FXN: variants seen among roughly 807,000 people sequenced by gnomAD.
FXN encodes frataxin.
A neutral mutation model predicts 22.4 loss-of-function variants in FXN; 14 were observed. The ratio of observed to expected loss-of-function variants is 0.62; its 90% CI spans 0.41 to 0.98. FXN has a LOEUF of 0.98. Among genes scored for constraint, FXN ranks in the 50% least tolerant of loss-of-function variants. The pLI, the probability that FXN is intolerant of heterozygous loss-of-function variation, is 0.00. For synonymous variants in FXN, 120 were observed against 114.1 expected, an observed-to-expected ratio of 1.05 and a Z score of -0.33; for missense variants, 267 against 268.4, an observed-to-expected ratio of 0.99 and a Z score of 0.04.
In FXN at chr9:69,072,894, A is replaced by T. The variant is rs1231680665; in HGVS notation, c.*132A>T. 2 of 1,551,530 alleles carry T rather than the reference A, an allele frequency of 1.3e-6. No individual in the cohort carries two copies. Among genetic ancestry groups the T allele is most frequent in the Admixed American group, 3.8e-5 (2 of 52,330 alleles). ...TCCTGCTTTTGAGGACAGTTGGGCT[A>T]TGTGTCACAGCTCTGTAGAAAGAAT... On this transcript the variant is annotated 3_prime_UTR_variant, in exon 5 of 5. Coordinates refer to ENST00000484259, the MANE Select transcript of FXN (RefSeq NM_000144.5).
chr9:69,076,326 G>A lies in FXN; in HGVS notation c.*3564G>A. 1 of 984,832 alleles carries A rather than the reference G, an allele frequency of 1.0e-6. No homozygotes were observed. Among genetic ancestry groups the A allele is most frequent in the Non-Finnish European group, 1.2e-6 (1 of 829,828 alleles). 61.0% of individuals were successfully genotyped at this position (984,832 alleles called of 1,614,324 possible). A position where few individuals can be genotyped will look rare whatever the true frequency, so the allele number is the denominator to read the frequency against. On this transcript the variant is annotated 3_prime_UTR_variant, in exon 5 of 5. Transcript: ENST00000484259. ...AAGTACTCAGTTCATGACAACTGTT[G>A]TTCTCACATGCATAGCATAATTTCA... is the stretch of plus-strand genomic sequence containing the variant.
chr9:69,061,375 A>C (rs180840842), intron 3 of FXN, among the ~76,000 whole-genome samples: 30 of 152,014 alleles, frequency 2.0e-4, no homozygotes, highest in Non-Finnish European at 4.3e-4. Context: ...ATGAGACCAG[A>C]CCTGGAACTC....
intron 3 of FXN, among the ~76,000 whole-genome samples, chr9:69,053,766 A>G (rs1831904504): frequency 6.6e-6 from 1 of 152,302 alleles, no homozygotes; most frequent in South Asian, 2.1e-4. Context: ...TAGGGATAAG[A>G]TAACTGCCCA....
At chr9:69,067,859 C>G (rs997595121) in intron 4 of FXN, among the ~76,000 whole-genome samples, 1 of 152,206 alleles carries the variant, frequency 6.6e-6, no homozygotes, top group East Asian at 1.9e-4. Flanking sequence ...TCTTTACCCA[C>G]TTACTCTTAT....
In FXN at chr9:69,077,527, T is replaced by C; in HGVS notation, c.*4765T>C. The C allele has an allele frequency of 1.0e-6, 1 of 985,480 alleles. No individual in the cohort carries two copies. The highest frequency in any genetic ancestry group is 1.2e-6 in the Non-Finnish European group (1 of 829,956). The allele number at this position is 985,480 out of a possible 1,614,324, so 61.0% of individuals were successfully genotyped here. ...TTCTTCTCCTGTGGAAAGTCAGACC[T>C]CTGAGGCCCCATCCAGGTAGAAGTA... On this transcript the variant is annotated 3_prime_UTR_variant, in exon 5 of 5. Transcript: ENST00000484259.
At position 69,074,200 on chromosome 9, in the gene FXN, T is replaced by TCAA; in HGVS notation, c.*1438_*1439insCAA. The TCAA allele has an allele frequency of 1.1e-6, 1 of 889,920 alleles. No homozygotes were observed. The highest frequency in any genetic ancestry group is 1.3e-6 in the Non-Finnish European group (1 of 743,562). 55.1% of individuals were successfully genotyped at this position (889,920 alleles called of 1,614,324 possible). ...CTCTGTCTCAAAATAATAATAACAA[T>TCAA]ATAATAATAATAATAGCCATCCTTT... On this transcript the variant is annotated 3_prime_UTR_variant, in exon 5 of 5. Coordinates refer to ENST00000484259, the MANE Select transcript of FXN (RefSeq NM_000144.5).
intron 3 of FXN, among the ~76,000 whole-genome samples, chr9:69,062,755 G>T (rs929073225): frequency 4.6e-5 from 7 of 152,122 alleles, no homozygotes; most frequent in African/African-American, 1.7e-4. Context: ...TGTCTAATGG[G>T]CATAGAGTTT....
intron 1 of FXN, among the ~76,000 whole-genome samples, chr9:69,044,653 G>A (rs569941506): frequency 6.6e-6 from 1 of 152,144 alleles, no homozygotes; most frequent in South Asian, 2.1e-4. Context: ...CAAGACCCAG[G>A]GCGCCCCCTC....
In FXN at chr9:69,077,260, G is replaced by T. The variant is rs532384045; in HGVS notation, c.*4498G>T. Reference sequence around the variant, plus strand: ...TTATCTTAATTAGCCAGGACACTTGGAGTGCATCCCGAAGTACCTGATCAG... The same window carrying T: ...TTATCTTAATTAGCCAGGACACTTGTAGTGCATCCCGAAGTACCTGATCAG... On this transcript the variant is annotated 3_prime_UTR_variant, in exon 5 of 5. Coordinates refer to ENST00000484259, the MANE Select transcript of FXN (RefSeq NM_000144.5). The T allele has an allele frequency of 1.8e-4, 174 of 985,270 alleles. No individual in the cohort carries two copies. The highest frequency in any genetic ancestry group is 2.1e-4 in the Non-Finnish European group (171 of 829,980). The allele number at this position is 985,270 out of a possible 1,614,324, so 61.0% of individuals were successfully genotyped here.
At chr9:69,066,116 A>C (rs1832161476) in intron 4 of FXN, among the ~76,000 whole-genome samples, 1 of 152,176 alleles carries the variant, frequency 6.6e-6, no homozygotes, top group Non-Finnish European at 1.5e-5. Context: ...GCTGCTGTTG[A>C]AGTGGTTGTA....
chr9:69,046,519 C>T (rs1192511144), intron 2 of FXN, 37 bp downstream of exon 2: 1 of 1,417,882 alleles, frequency 7.1e-7, no homozygotes, highest in African/African-American at 1.4e-5. Context: ...AGGTATCTTC[C>T]TCTCTCCTTC....
chr9:69,069,925 T>C (rs890523389), intron 4 of FXN, among the ~76,000 whole-genome samples: 5 of 152,216 alleles, frequency 3.3e-5, no homozygotes, highest in African/African-American at 1.2e-4. Context: ...TCTTCCAATT[T>C]GCTGTAAGAA....
At position 69,072,839 on chromosome 9, in the gene FXN, TTTGTTG is replaced by T. The variant is rs35195101; in HGVS notation, c.*89_*94del. The T allele has an allele frequency of 5.0e-6, 8 of 1,603,922 alleles. No individual in the cohort carries two copies. Among genetic ancestry groups the T allele is most frequent in the Non-Finnish European group, 5.9e-6 (7 of 1,177,584 alleles). ...TTCATTATGCAGCTGAGGTCTGTTT[TTTGTTG>T]TTGTTGTTGTTTATTTTTTTTATTC... is the stretch of plus-strand genomic sequence containing the variant. On this transcript the variant is annotated 3_prime_UTR_variant, in exon 5 of 5. Coordinates refer to ENST00000484259, the MANE Select transcript of FXN (RefSeq NM_000144.5).
rs1385728729 is a variant in FXN at position 69,074,640 on chromosome 9, C to T, written c.*1878C>T. The T allele has an allele frequency of 1.0e-6, 1 of 984,830 alleles. No homozygotes were observed. Among genetic ancestry groups the T allele is most frequent in the Non-Finnish European group, 1.2e-6 (1 of 829,716 alleles). The allele number at this position is 984,830 out of a possible 1,614,324, so 61.0% of individuals were successfully genotyped here. On this transcript the variant is annotated 3_prime_UTR_variant, in exon 5 of 5. Transcript: ENST00000484259. Reference sequence around the variant, plus strand: ...TCAAGCTGGGAGCAGTGGCATATACCTATAGTCCCAGCTGCACAGGAGGCT... The same window carrying T: ...TCAAGCTGGGAGCAGTGGCATATACTTATAGTCCCAGCTGCACAGGAGGCT...
At chr9:69,039,557 G>T (rs1831618757) in intron 1 of FXN, among the ~76,000 whole-genome samples, 1 of 152,148 alleles carries the variant, frequency 6.6e-6, no homozygotes, top group East Asian at 1.9e-4. Flanking sequence ...ATTCCACGAG[G>T]CAGCCTATGT....
intron 4 of FXN, among the ~76,000 whole-genome samples, chr9:69,067,815 T>C (rs550764893): frequency 2.9e-4 from 44 of 152,234 alleles, no homozygotes; most frequent in African/African-American, 1.0e-3. Context: ...GTTTCAGAGG[T>C]CTCTGTATTG....
chr9:69,067,325 G>A (rs906020649), intron 4 of FXN, among the ~76,000 whole-genome samples: 4 of 152,390 alleles, frequency 2.6e-5, no homozygotes, highest in African/African-American at 7.2e-5. Context: ...GCCGGAGCGC[G>A]GGAGCGCCGT....
chr9:69,058,604 A>AG (rs1487650942), intron 3 of FXN, among the ~76,000 whole-genome samples: 1 of 152,026 alleles, frequency 6.6e-6, no homozygotes, highest in Non-Finnish European at 1.5e-5. Context: ...ACCTGTTAAA[A>AG]AAAAAAAAAA....
intron 4 of FXN, 33 bp from the exon 5 acceptor site, chr9:69,072,579 G>A (rs1318215264): frequency 4.3e-6 from 7 of 1,613,716 alleles, no homozygotes; most frequent in South Asian, 1.1e-5. Flanking sequence ...GGGCTGTGCT[G>A]TGGAATTACT....
Sources: allele counts gnomAD v4.1 joint callset (sites outside exome capture counted in the v4.1 genomes callset), GRCh38; gene constraint gnomAD v4.1.1; transcripts MANE v1.5; gene names NCBI Gene and HGNC (gene_info 2026-07-23, HGNC 2026-07-21).